NOL4L: variants seen among roughly 807,000 people sequenced by gnomAD.
The protein encoded by NOL4L is nucleolar protein 4-like.
In NOL4L, 7 loss-of-function variants were observed where a neutral mutation model predicts 64.5. The observed-to-expected ratio is 0.11, with a 90% CI of 0.06 to 0.20. The LOEUF is 0.20. Ranked by LOEUF, NOL4L falls within the 10% of genes least tolerant of loss-of-function variation. The probability of loss-of-function intolerance (pLI) is 1.00; values close to 1 mark genes in which losing one functional copy is unlikely to be tolerated. For missense variants in NOL4L, 680 were observed against 967.1 expected (o/e 0.70, Z 3.94); for synonymous variants, 413 against 401.0 (o/e 1.03, Z -0.36).
chr20:32,494,280 AAAC>A (rs1555797887), intron 4 of NOL4L, among the ~76,000 whole-genome samples: 3,981 of 70,246 alleles, frequency 0.057, 688 homozygotes, highest in East Asian at 0.16. Flanking sequence ...AAAAAAAAAA[AAAC>A]ACACAACACA....
Position 32,445,496 on chromosome 20 carries a change from A to G in NOL4L, c.*2100T>C, listed in dbSNP as rs1403756634. 1 of 152,236 alleles carries G rather than the reference A, an allele frequency of 6.6e-6. No homozygotes were observed. Among genetic ancestry groups the G allele is most frequent in the African/African-American group, 2.4e-5 (1 of 41,454 alleles). 9.4% of individuals were successfully genotyped at this position (152,236 alleles called of 1,614,324 possible). A position where few individuals can be genotyped will look rare whatever the true frequency, so the allele number is the denominator to read the frequency against. ...ATTTTCACAAATAATTGCCTGGGGT[A>G]ACATTTTTGCAAAAGATCTTACTGA... On this transcript the variant is annotated 3_prime_UTR_variant, in exon 11 of 11. Transcript: ENST00000621426.
chr20:32,536,434 G>A, intron 1 of NOL4L: 1 of 488,792 alleles, frequency 2.0e-6, no homozygotes, highest in Non-Finnish European at 2.7e-6. Context: ...TTGACAGCGC[G>A]CGCTGGGGCC....
chr20:32,542,702 C>A (rs1462922141), intron 1 of NOL4L, among the ~76,000 whole-genome samples: 1 of 152,194 alleles, frequency 6.6e-6, no homozygotes, highest in African/African-American at 2.4e-5. Flanking sequence ...GTTACTTAAC[C>A]TCTCCATGCC....
intron 5 of NOL4L, among the ~76,000 whole-genome samples, chr20:32,472,140 CCA>C (rs980306466): frequency 6.6e-6 from 1 of 152,234 alleles, no homozygotes; most frequent in Non-Finnish European, 1.5e-5. Context: ...AACTTATCCC[CCA>C]TCAGAGGCGG....
chr20:32,466,178 G>A (rs2014534476), intron 5 of NOL4L, among the ~76,000 whole-genome samples: 2 of 152,158 alleles, frequency 1.3e-5, no homozygotes, highest in South Asian at 4.1e-4. Flanking sequence ...ATGTTGGCCA[G>A]GCTGGTCTCA....
At chr20:32,516,536 T>G (rs2017671806) in intron 3 of NOL4L, among the ~76,000 whole-genome samples, 1 of 152,120 alleles carries the variant, frequency 6.6e-6, no homozygotes, top group East Asian at 1.9e-4. Context: ...GGAATGGGAC[T>G]CACGAACTAT....
chr20:32,456,534 T>C (rs2013549510), intron 5 of NOL4L, 139 bp from the exon 6 acceptor site: 2 of 851,604 alleles, frequency 2.3e-6, no homozygotes, highest in Non-Finnish European at 3.2e-6. Flanking sequence ...TCAGAGGCAA[T>C]TTGCCCCAGC....
chr20:32,498,524 A>G (rs552996349), intron 4 of NOL4L, among the ~76,000 whole-genome samples: 26 of 151,908 alleles, frequency 1.7e-4, no homozygotes, highest in African/African-American at 6.3e-4. Flanking sequence ...GCACTTTAGG[A>G]GGCCAAAGTG....
intron 4 of NOL4L, chr20:32,475,054 C>A: frequency 1.0e-6 from 1 of 985,458 alleles, no homozygotes; most frequent in Non-Finnish European, 1.2e-6. Flanking sequence ...AAGGTTGAAA[C>A]AAGCGCTGTA....
chr20:32,557,123 A>G lies in NOL4L; in HGVS notation c.321+27447T>C, dbSNP rs1338541685. 9.2e-5 allele frequency among the ~76,000 whole-genome samples: 14 copies of G among 152,298 alleles called. 1 individual carries two copies. Among genetic ancestry groups the G allele is most frequent in the African/African-American group, 3.4e-4 (14 of 41,554 alleles). ...TGAAACAACGTTTGTGAAACCCGTAACACAGAGCCTATCCACTACATAAAG... is the reference window on the plus strand; with the variant it reads ...TGAAACAACGTTTGTGAAACCCGTAGCACAGAGCCTATCCACTACATAAAG... On this transcript the variant is annotated intron_variant, in intron 1 of 10. Transcript: ENST00000621426.
intron 4 of NOL4L, among the ~76,000 whole-genome samples, chr20:32,506,517 C>T (rs1250141962): frequency 2.0e-5 from 3 of 151,980 alleles, no homozygotes; most frequent in Admixed American, 6.6e-5. Context: ...CAAAATTAGC[C>T]GGGCGTGGTG....
chr20:32,496,199 G>A (rs1376986064), intron 4 of NOL4L, among the ~76,000 whole-genome samples: 1 of 152,150 alleles, frequency 6.6e-6, no homozygotes, highest in East Asian at 1.9e-4. Context: ...TCCTACCCCA[G>A]GGTCTTTGCA....
chr20:32,471,187 C>T (rs535440041), intron 5 of NOL4L, among the ~76,000 whole-genome samples: 9 of 151,768 alleles, frequency 5.9e-5, no homozygotes, highest in African/African-American at 2.2e-4. Flanking sequence ...CTGTGGCACC[C>T]GCACAACTCA....
At chr20:32,468,900 C>CA (rs555969764) in intron 5 of NOL4L, among the ~76,000 whole-genome samples, 3,340 of 94,972 alleles carry the variant, frequency 0.035, 88 homozygotes, top group Non-Finnish European at 0.047. Context: ...GACTCCATCT[C>CA]AAAAAAAAAA....
intron 1 of NOL4L, among the ~76,000 whole-genome samples, chr20:32,577,413 G>A (rs564057712): frequency 3.3e-5 from 5 of 152,344 alleles, no homozygotes; most frequent in African/African-American, 1.2e-4. Flanking sequence ...CAGAGGCAGG[G>A]AGATCACTGG....
Position 32,447,420 on chromosome 20 carries a change from A to AAAAAG in NOL4L, c.*175_*176insCTTTT. The AAAAAG allele has an allele frequency of 1.3e-6, 1 of 771,814 alleles. No homozygotes were observed. The highest frequency in any genetic ancestry group is 1.9e-6 in the Non-Finnish European group (1 of 514,708). 47.8% of individuals were successfully genotyped at this position (771,814 alleles called of 1,614,324 possible). A position where few individuals can be genotyped will look rare whatever the true frequency, so the allele number is the denominator to read the frequency against. On this transcript the variant is annotated 3_prime_UTR_variant, in exon 11 of 11. Transcript: ENST00000621426. ...TGAGATTCCAAAAAAAAAAAAAAAA[A>AAAAAG]AAAAAAAAAGTGTCCTTGTGCCCAA...
At chr20:32,488,195 C>T (rs1163770009) in intron 4 of NOL4L, among the ~76,000 whole-genome samples, 1 of 152,096 alleles carries the variant, frequency 6.6e-6, no homozygotes, top group African/African-American at 2.4e-5. Flanking sequence ...CTTCCAAAGA[C>T]CCACTATGTT....
chr20:32,584,170 C>CACACACACACA (rs1980731726), intron 1 of NOL4L, among the ~76,000 whole-genome samples: 1 of 145,608 alleles, frequency 6.9e-6, no homozygotes, highest in African/African-American at 2.6e-5. Flanking sequence ...CACACACACA[C>CACACACACACA]CGCCCAGCCG....
chr20:32,483,598 G>C (rs2015891032), intron 4 of NOL4L: 3 of 839,376 alleles, frequency 3.6e-6, no homozygotes, highest in Non-Finnish European at 4.2e-6. Flanking sequence ...CCGGAGGAAG[G>C]GGGAGGGGGC....
Sources: allele counts gnomAD v4.1 joint callset (sites outside exome capture counted in the v4.1 genomes callset), GRCh38; gene constraint gnomAD v4.1.1; transcripts MANE v1.5; gene names NCBI Gene and HGNC (gene_info 2026-07-23, HGNC 2026-07-21).